RNF169: variants seen among roughly 807,000 people sequenced by gnomAD.
RNF169 encodes E3 ubiquitin-protein ligase RNF169.
A neutral mutation model predicts 53.9 loss-of-function variants in RNF169; 24 were observed. That is an observed-to-expected ratio of 0.45 (90% CI 0.32 to 0.63). The LOEUF (loss-of-function observed/expected upper bound fraction) is 0.63, where lower values mean the gene tolerates loss of function less well. RNF169 is among the 20% of genes least tolerant of loss of function. The pLI is 0.04. For missense variants in RNF169, 883 were observed against 906.2 expected (o/e 0.97, Z 0.33); for synonymous variants, 396 against 363.5 (o/e 1.09, Z -1.02).
rs1045813639 is a variant in RNF169, at chr11:74,762,196, T to C, written c.502+12814T>C. On this transcript the variant is annotated intron_variant, in intron 1 of 5. Transcript: ENST00000299563. The stretch of plus-strand genomic sequence containing the variant: ...TTCTCTGTATTGGTTATTCTAGTTA[T>C]ACATTCTTCTAAATTTTTTTCAAAG... Among the ~76,000 whole-genome samples the C allele has an allele frequency of 2.6e-4, 39 of 150,342 alleles. 1 individual carries two copies. The highest frequency in any genetic ancestry group is 5.9e-5 in the Non-Finnish European group (4 of 67,686).
Position 74,835,573 on chromosome 11 carries a change from C to A in RNF169, c.970C>A (p.Pro324Thr), listed in dbSNP as rs1326489421. The A allele has an allele frequency of 6.2e-7, 1 of 1,614,088 alleles. No individual in the cohort carries two copies. The highest frequency in any genetic ancestry group is 8.5e-7 in the Non-Finnish European group (1 of 1,179,972). ...CACAACTATGACTCCAGCCTCCAAC[C>A]CCATCATTGGTGTCCTCTTGTCAAC... ...KVTTMTPASNPIIGVLLSTQN... is the reference protein window; with the variant it reads ...KVTTMTPASNTIIGVLLSTQN... Residue 324 changes from proline (P) to threonine (T), a missense_variant, in exon 6 of 6, where the codon CCC (proline) becomes ACC (threonine). Coordinates refer to ENST00000299563, the MANE Select transcript of RNF169 (RefSeq NM_001098638.2).
intron 1 of RNF169, among the ~76,000 whole-genome samples, chr11:74,752,133 G>A (rs1256646858): frequency 6.8e-6 from 1 of 147,806 alleles, no homozygotes; most frequent in Non-Finnish European, 1.5e-5. Flanking sequence ...TTGGGAGACT[G>A]AGACAGGAGA....
chr11:74,770,316 G>A (rs2035241693), intron 1 of RNF169, among the ~76,000 whole-genome samples: 1 of 152,324 alleles, frequency 6.6e-6, no homozygotes, highest in South Asian at 2.1e-4. Context: ...TAAGCTGCCA[G>A]TTTGCTTATA....
chr11:74,819,449 C>G (rs1423574512), intron 4 of RNF169, among the ~76,000 whole-genome samples: 1 of 152,192 alleles, frequency 6.6e-6, no homozygotes, highest in East Asian at 1.9e-4. Flanking sequence ...CTCTGTTCAC[C>G]TTCTCCTCTA....
intron 1 of RNF169, among the ~76,000 whole-genome samples, chr11:74,786,159 T>G (rs566865454): frequency 6.6e-6 from 1 of 152,100 alleles, no homozygotes; most frequent in East Asian, 1.9e-4. Flanking sequence ...CAGGATGGTC[T>G]TGATCTCCTG....
rs2036294271 is a variant in RNF169 at position 74,838,713 on chromosome 11, A to G, written c.*1983A>G. The G allele has an allele frequency of 6.6e-6, 1 of 152,224 alleles. No homozygotes were observed. The highest frequency in any genetic ancestry group is 1.5e-5 in the Non-Finnish European group (1 of 68,038). The allele number at this position is 152,224 out of a possible 1,614,324, so 9.4% of individuals were successfully genotyped here. On this transcript the variant is annotated 3_prime_UTR_variant, in exon 6 of 6. Coordinates refer to ENST00000299563, the MANE Select transcript of RNF169 (RefSeq NM_001098638.2). Reference sequence around the variant, plus strand: ...ACTTCAGTTCTGGGCCCTACCAACAATTTATGTCCTCCAAGAGCTGCTGGA... The same window carrying G: ...ACTTCAGTTCTGGGCCCTACCAACAGTTTATGTCCTCCAAGAGCTGCTGGA...
At chr11:74,798,609 T>A (rs1367684428) in intron 2 of RNF169, among the ~76,000 whole-genome samples, 1 of 152,210 alleles carries the variant, frequency 6.6e-6, no homozygotes, top group African/African-American at 2.4e-5. Context: ...TGTGATATTC[T>A]ATTACCCTGT....
chr11:74,820,038 T>TAG (rs1453900389), intron 4 of RNF169, among the ~76,000 whole-genome samples: 9 of 152,154 alleles, frequency 5.9e-5, no homozygotes, highest in Non-Finnish European at 1.3e-4. Context: ...TCAGAGATAC[T>TAG]AAACACATGT....
chr11:74,786,490 TG>T (rs1275275339), intron 1 of RNF169, among the ~76,000 whole-genome samples: 1 of 152,106 alleles, frequency 6.6e-6, no homozygotes, highest in Non-Finnish European at 1.5e-5. Context: ...CTCGAACATT[TG>T]ACCTCAAGAG....
intron 2 of RNF169, among the ~76,000 whole-genome samples, chr11:74,801,146 T>C (rs565452227): frequency 1.3e-5 from 2 of 152,342 alleles, no homozygotes; most frequent in East Asian, 3.9e-4. Context: ...TAAATGTGAT[T>C]TCTTTAAAAT....
At position 74,835,905 on chromosome 11, in the gene RNF169, G is replaced by T; in HGVS notation, c.1302G>T (p.Trp434Cys). ...YEASPRILKK[W>C]EQIFQERQIK... ...CCAGTCCACGGATCCTCAAAAAGTGGGAACAGATCTTTCAGGAGCGGCAGA... is the reference window on the plus strand; with the variant it reads ...CCAGTCCACGGATCCTCAAAAAGTGTGAACAGATCTTTCAGGAGCGGCAGA... The change falls in exon 6 of 6, where the codon TGG (tryptophan) becomes TGT (cysteine). Residue 434 changes from tryptophan to cysteine, a missense_variant. Physicochemically the swap from Trp to Cys is radical, Grantham distance 215 (BLOSUM62 -2). Transcript: ENST00000299563. The T allele has an allele frequency of 6.2e-7, 1 of 1,614,136 alleles. No homozygotes were observed. Among genetic ancestry groups the T allele is most frequent in the Non-Finnish European group, 8.5e-7 (1 of 1,180,026 alleles).
At chr11:74,784,341 G>C (rs1042045513) in intron 1 of RNF169, among the ~76,000 whole-genome samples, 3 of 152,146 alleles carry the variant, frequency 2.0e-5, no homozygotes, top group Non-Finnish European at 4.4e-5. Flanking sequence ...TGTGTTGGGA[G>C]GTCTCCAAGA....
intron 3 of RNF169, among the ~76,000 whole-genome samples, chr11:74,814,882 G>C (rs1159350738): frequency 2.0e-5 from 3 of 152,042 alleles, no homozygotes; most frequent in Non-Finnish European, 4.4e-5. Flanking sequence ...GAGTGACCAG[G>C]TCAAAAAGAG....
chr11:74,758,309 T>A (rs61897004), intron 1 of RNF169, among the ~76,000 whole-genome samples: 10 of 144,054 alleles, frequency 6.9e-5, no homozygotes, highest in Non-Finnish European at 1.2e-4. Context: ...AGATAGTTGT[T>A]GGTATGCGGC....
At chr11:74,790,269 TAAG>T (rs2135083144) in intron 2 of RNF169, among the ~76,000 whole-genome samples, 1 of 152,344 alleles carries the variant, frequency 6.6e-6, no homozygotes, top group East Asian at 1.9e-4. Context: ...AGGCTGGTAA[TAAG>T]AAGTATGTTG....
At chr11:74,779,737 C>T (rs2035389165) in intron 1 of RNF169, among the ~76,000 whole-genome samples, 3 of 151,986 alleles carry the variant, frequency 2.0e-5, no homozygotes, top group African/African-American at 7.3e-5. Context: ...GTATTTCTAC[C>T]TTACTACTTT....
chr11:74,751,406 A>G (rs1368585922), intron 1 of RNF169, among the ~76,000 whole-genome samples: 3 of 152,228 alleles, frequency 2.0e-5, no homozygotes, highest in Non-Finnish European at 4.4e-5. Context: ...TCACGATATA[A>G]GACAGTATTT....
At position 74,778,430 on chromosome 11, in the gene RNF169, G is replaced by GT. The variant is rs2035367916; in HGVS notation, c.503-11193dup. Among the ~76,000 whole-genome samples the GT allele has an allele frequency of 2.0e-5, 3 of 152,116 alleles. No homozygotes were observed. In the South Asian group the frequency reaches 6.2e-4, roughly 32 times the overall value. ...TTTCTTTTTCCAGTATGTTATTGCT[G>GT]TTTCTGTGTTTAATGGTTTTTCTTG... On this transcript the variant is annotated intron_variant, in intron 1 of 5. Transcript: ENST00000299563.
In RNF169 at chr11:74,785,207, TATGA is replaced by T. The variant is rs1336533808; in HGVS notation, c.503-4418_503-4415del. On this transcript the variant is annotated intron_variant, in intron 1 of 5. Transcript: ENST00000299563. The stretch of plus-strand genomic sequence containing the variant: ...ATATGATATATATATGATATATATA[TATGA>T]TATATATATGTTATATATATTATAT... Among the ~76,000 whole-genome samples the T allele has an allele frequency of 3.2e-3, 237 of 74,438 alleles. 4 individuals are homozygous for T. The highest frequency in any genetic ancestry group is 0.013 in the African/African-American group (159 of 12,064). The allele number at this position is 74,438 out of a possible 152,430, so 48.8% of individuals were successfully genotyped here.
Sources: allele counts gnomAD v4.1 joint callset (sites outside exome capture counted in the v4.1 genomes callset), GRCh38; gene constraint gnomAD v4.1.1; transcripts MANE v1.5; gene names NCBI Gene and HGNC (gene_info 2026-07-23, HGNC 2026-07-21).